Variants in SLC5A10 observed in about 807,000 individuals in gnomAD.
SLC5A10 encodes solute carrier family 5 member 10, also known as sodium/mannose cotransporter SLC5A10.
Under a neutral mutation model 68.9 loss-of-function variants are expected in SLC5A10, and 55 were observed. The ratio of observed to expected loss-of-function variants is 0.80; its 90% confidence interval spans 0.64 to 1.00. The LOEUF (loss-of-function observed/expected upper bound fraction) is 1.00. SLC5A10 is among the 50% of genes least tolerant of loss of function. SLC5A10 has a pLI of 0.00. For missense variants in SLC5A10, 732 were observed against 819.3 expected, an observed-to-expected ratio of 0.89 and a Z score of 1.30; for synonymous variants, 344 against 344.8, an observed-to-expected ratio of 1.00 and a Z score of 0.02.
At chr17:18,983,545 G>A (rs758142068) in intron 9 of SLC5A10, among the ~76,000 whole-genome samples, 39 of 152,322 alleles carry the variant, frequency 2.6e-4, no homozygotes, top group Admixed American at 1.1e-3. Context: ...GTCCAGAGAT[G>A]CATCCTTGAC....
chr17:19,012,428 C>T (rs1351660211), intron 9 of SLC5A10, among the ~76,000 whole-genome samples: 4 of 152,250 alleles, frequency 2.6e-5, no homozygotes, highest in Non-Finnish European at 5.9e-5. Context: ...CCACCCCAGC[C>T]ATGGGGGAGA....
In SLC5A10 at chr17:18,960,598, C is replaced by T. The variant is rs1283239538; in HGVS notation, c.399C>T (p.Ile133=). 8 of 1,614,156 alleles carry T rather than the reference C, an allele frequency of 5.0e-6. No individual in the cohort carries two copies. The highest frequency in any genetic ancestry group is 6.8e-6 in the Non-Finnish European group (8 of 1,180,004). ...YIQKRYGGQR[I]RMYLSVLSLL... ...AGAAGCGCTACGGGGGCCAGCGGAT[C>T]CGCATGTACCTGTCTGTCCTGTCCC... Residue 133 remains isoleucine, a synonymous_variant, in exon 5 of 15, where the codon ATC becomes ATT. Transcript: ENST00000395645.
chr17:19,004,484 T>C lies in SLC5A10; in HGVS notation c.983-8926T>C, dbSNP rs1426332108. On this transcript the variant is annotated intron_variant, in intron 9 of 14. Coordinates refer to ENST00000395645, the MANE Select transcript of SLC5A10 (RefSeq NM_001042450.4). This position sits in a 1 kb window ranked among gnomAD's most constrained non-coding sequence, Gnocchi z 5.4. Reference sequence around the variant, plus strand: ...CTAGGGCAGCCGGGGAACTTCCCAGTAGCTTCTTAGAGTGGGAGGCGGCCC... The same window carrying C: ...CTAGGGCAGCCGGGGAACTTCCCAGCAGCTTCTTAGAGTGGGAGGCGGCCC... Among the ~76,000 whole-genome samples the C allele has an allele frequency of 6.6e-6, 1 of 152,060 alleles. No homozygotes were observed. The highest frequency in any genetic ancestry group is 1.9e-4 in the East Asian group (1 of 5,178).
Position 19,020,514 on chromosome 17 carries a change from A to G in SLC5A10, c.*83A>G. The G allele has an allele frequency of 7.5e-7, 1 of 1,332,340 alleles. No individual in the cohort carries two copies. Among genetic ancestry groups the G allele is most frequent in the South Asian group, 1.3e-5 (1 of 79,936 alleles). The allele number at this position is 1,332,340 out of a possible 1,614,324, so 82.5% of individuals were successfully genotyped here. A position where few individuals can be genotyped will look rare whatever the true frequency, so the allele number is the denominator to read the frequency against. ...CTCATGGGGATCCCGAGGCCCCAAG[A>G]GGGGCAGATTCCCCTCACAGCTGCA... On this transcript the variant is annotated 3_prime_UTR_variant, in exon 15 of 15. Transcript: ENST00000395645.
intron 4 of SLC5A10, 56 bp downstream of exon 4, chr17:18,959,719 G>A: frequency 6.5e-7 from 1 of 1,542,482 alleles, no homozygotes; most frequent in Non-Finnish European, 9.0e-7. Flanking sequence ...CCAAGTTGGT[G>A]GTAGTAATGG....
chr17:18,986,702 C>T (rs1003089080), intron 9 of SLC5A10, among the ~76,000 whole-genome samples: 1 of 152,210 alleles, frequency 6.6e-6, no homozygotes, highest in African/African-American at 2.4e-5. Flanking sequence ...GGTTAGGGTC[C>T]CTGCTCCAAA....
chr17:19,006,541 T>C lies in SLC5A10; in HGVS notation c.983-6869T>C, dbSNP rs565830009. 9.9e-4 allele frequency among the ~76,000 whole-genome samples: 151 copies of C among 152,150 alleles called. 1 individual carries two copies. Among genetic ancestry groups the C allele is most frequent in the Middle Eastern group, 3.4e-3 (1 of 294 alleles). On this transcript the variant is annotated intron_variant, in intron 9 of 14. Coordinates refer to ENST00000395645, the MANE Select transcript of SLC5A10 (RefSeq NM_001042450.4). ...GGCGTGAGCCACTGCACTGGCCAGA[T>C]TTCACCAGTTTTACATGCACTCATT...
intron 9 of SLC5A10, among the ~76,000 whole-genome samples, chr17:18,985,138 C>T (rs1282394753): frequency 6.6e-6 from 1 of 152,248 alleles, no homozygotes; most frequent in African/African-American, 2.4e-5. Context: ...CAGACCAGAG[C>T]TGCGTCTCAT....
At chr17:18,993,353 G>A (rs1168975273) in intron 9 of SLC5A10, among the ~76,000 whole-genome samples, 3 of 152,154 alleles carry the variant, frequency 2.0e-5, no homozygotes, top group African/African-American at 4.8e-5. Flanking sequence ...GGCCTGTCTG[G>A]GTTGAGCGTG....
Position 18,978,196 on chromosome 17 carries a change from C to T in SLC5A10, c.982+1207C>T, listed in dbSNP as rs567814890. The T allele has an allele frequency of 5.0e-5, 78 of 1,553,974 alleles. No individual in the cohort carries two copies. The African/African-American group carries it at 1.0e-3, about 20-fold the overall frequency. On this transcript the variant is annotated intron_variant, in intron 9 of 14. Coordinates refer to ENST00000395645, the MANE Select transcript of SLC5A10 (RefSeq NM_001042450.4). Reference sequence around the variant, plus strand: ...CAGGGTCCCCCTGGGGGAGGCCGTTCTCAGCTGGGACACCGTCCTGGGGGG... The same window carrying T: ...CAGGGTCCCCCTGGGGGAGGCCGTTTTCAGCTGGGACACCGTCCTGGGGGG...
At chr17:18,995,070 A>C (rs570040252) in intron 9 of SLC5A10, among the ~76,000 whole-genome samples, 1 of 152,350 alleles carries the variant, frequency 6.6e-6, no homozygotes, top group South Asian at 2.1e-4. Flanking sequence ...GAGAAAACAA[A>C]ACAAACAAAA....
At chr17:18,963,054 C>T (rs1307035200) in intron 5 of SLC5A10, among the ~76,000 whole-genome samples, 2 of 152,136 alleles carry the variant, frequency 1.3e-5, no homozygotes, top group Non-Finnish European at 2.9e-5. Flanking sequence ...TCCATCTCTA[C>T]TAAAATACAA....
chr17:18,960,670 C>T lies in SLC5A10; in HGVS notation c.453+18C>T, dbSNP rs1489775497. The stretch of plus-strand genomic sequence containing the variant: ...AGATATCGGTGAGCTGCCCCCGGCT[C>T]CCTGCTGGCATAGCCTGGAAACATC... On this transcript the variant is annotated intron_variant, in intron 5 of 14. Transcript: ENST00000395645. 6.2e-7 allele frequency: 1 copy of T among 1,610,382 alleles called. No homozygotes were observed. Among genetic ancestry groups the T allele is most frequent in the East Asian group, 2.2e-5 (1 of 44,856 alleles).
chr17:18,971,819 C>G lies in SLC5A10; in HGVS notation c.846+601C>G. On this transcript the variant is annotated intron_variant, in intron 8 of 14. Coordinates refer to ENST00000395645, the MANE Select transcript of SLC5A10 (RefSeq NM_001042450.4). This position sits in a 1 kb window ranked among gnomAD's most constrained non-coding sequence, Gnocchi z 5.5. ...CCCCGCCCCAGCACAGGACCCTGCTCAGGCACACAGGAGCCGGCAGGCCCG... is the reference window on the plus strand; with the variant it reads ...CCCCGCCCCAGCACAGGACCCTGCTGAGGCACACAGGAGCCGGCAGGCCCG... 4 of 1,487,782 alleles carry G rather than the reference C, an allele frequency of 2.7e-6. No homozygotes were observed. The highest frequency in any genetic ancestry group is 2.7e-6 in the Non-Finnish European group (3 of 1,114,362). 92.2% of individuals were successfully genotyped at this position (1,487,782 alleles called of 1,614,324 possible).
chr17:18,952,692 C>T (rs2042394305), intron 1 of SLC5A10, among the ~76,000 whole-genome samples: 1 of 152,072 alleles, frequency 6.6e-6, no homozygotes, highest in Non-Finnish European at 1.5e-5. Context: ...CCTGGCTGCA[C>T]CCCAGAGCTG....
At chr17:19,014,936 T>C in intron 10 of SLC5A10, 113 bp from the exon 11 acceptor site, 2 of 1,317,874 alleles carry the variant, frequency 1.5e-6, no homozygotes, top group Non-Finnish European at 2.1e-6. Flanking sequence ...GCCCTCTGCC[T>C]TGGAGGAGCA....
Position 19,015,990 on chromosome 17 carries a change from T to C in SLC5A10, c.1241+791T>C, listed in dbSNP as rs532430496. ...GGTATACACTGTACCCAATGTGTAG[T>C]CTTTTATCCCTCACACCCTCCCAGC... On this transcript the variant is annotated intron_variant, in intron 11 of 14. Coordinates refer to ENST00000395645, the MANE Select transcript of SLC5A10 (RefSeq NM_001042450.4). Among the ~76,000 whole-genome samples the C allele has an allele frequency of 4.6e-5, 7 of 152,244 alleles. 1 individual carries two copies. The South Asian group carries it at 1.4e-3, about 32-fold the overall frequency.
At chr17:18,984,440 G>A (rs934006004) in intron 9 of SLC5A10, among the ~76,000 whole-genome samples, 7 of 152,106 alleles carry the variant, frequency 4.6e-5, no homozygotes, top group South Asian at 2.1e-4. Context: ...CCCGGGGAAC[G>A]GGGGAACCTG....
At chr17:19,015,357 C>T (rs542080294) in intron 11 of SLC5A10, among the ~76,000 whole-genome samples, 158 bp downstream of exon 11, 7 of 152,172 alleles carry the variant, frequency 4.6e-5, no homozygotes, top group Non-Finnish European at 8.8e-5. Context: ...TACCACCTCT[C>T]ACATTGCTCT....
Sources: gnomAD v4.1 joint callset for allele counts (sites outside exome capture counted in the v4.1 genomes callset) on GRCh38, gnomAD v4.1.1 for gene constraint, Gnocchi (gnomAD v3.1) non-coding constraint, MANE v1.5 for transcripts, NCBI Gene and HGNC (gene_info 2026-07-23, HGNC 2026-07-21) for gene names.